Variants in JPH2 observed in about 807,000 individuals in gnomAD.
JPH2 encodes junctophilin-2.
JPH2 carries 38 observed loss-of-function variants against 55.9 expected under a neutral mutation model. The observed-to-expected ratio is 0.68, with a 90% CI of 0.52 to 0.89. The LOEUF is 0.89. JPH2 is among the 40% of genes least tolerant of loss of function. The pLI is 0.00. For synonymous variants in JPH2, 480 were observed against 472.4 expected (o/e 1.02, Z -0.21); for missense variants, 964 against 1,037.6 (o/e 0.93, Z 0.97).
At chr20:44,132,440 C>G (rs1195185518) in intron 2 of JPH2, among the ~76,000 whole-genome samples, 1 of 151,032 alleles carries the variant, frequency 6.6e-6, no homozygotes, top group Non-Finnish European at 1.5e-5. Flanking sequence ...CATCTCCCCC[C>G]CTTGCCCCAC....
In JPH2 at chr20:44,183,491, A is replaced by G. The variant is rs577859246; in HGVS notation, c.379+2836T>C. Among the ~76,000 whole-genome samples, 13 of 152,212 alleles carry G rather than the reference A, an allele frequency of 8.5e-5. No homozygotes were observed. The South Asian group carries it at 2.5e-3, about 29-fold the overall frequency. ...CAGGCCCTCACCCAGACACCCACCA[A>G]CTGGCAGCTCAGATGCAAATCTATC... On this transcript the variant is annotated intron_variant, in intron 1 of 5. Transcript: ENST00000372980.
chr20:44,163,029 A>G lies in JPH2; in HGVS notation c.380-2622T>C, dbSNP rs186543920. Among the ~76,000 whole-genome samples the G allele has an allele frequency of 2.8e-3, 426 of 151,646 alleles. 2 individuals carry two copies. Among genetic ancestry groups the G allele is most frequent in the South Asian group, 6.5e-3 (31 of 4,782 alleles). On this transcript the variant is annotated intron_variant, in intron 1 of 5. Transcript: ENST00000372980. ...CCCCCACCACCCTGCTCACTTATCT[A>G]CTTTTCCTTATTTTTCCCATAGCAC...
At chr20:44,176,696 G>T in intron 1 of JPH2, 1 of 184,172 alleles carries the variant, frequency 5.4e-6, no homozygotes, top group Non-Finnish European at 1.0e-5. Context: ...TTGCAGGCTG[G>T]GGTGGGAGGA....
At chr20:44,146,963 T>C (rs1231492903) in intron 2 of JPH2, among the ~76,000 whole-genome samples, 1 of 152,126 alleles carries the variant, frequency 6.6e-6, no homozygotes, top group Admixed American at 6.5e-5. Flanking sequence ...TTTAGGAATT[T>C]AGCCCATAAA....
Position 44,108,755 on chromosome 20 carries a change from A to T in JPH2, c.*4763T>A, listed in dbSNP as rs1352888109. 1.3e-5 allele frequency among the ~76,000 whole-genome samples: 2 copies of T among 152,130 alleles called. No individual in the cohort carries two copies. Among genetic ancestry groups the T allele is most frequent in the Non-Finnish European group, 2.9e-5 (2 of 68,024 alleles). ...GGTGCCCTGGCATCTGTTGCCGTACATGAGGGTCTCACCTGCAGTTGGTCT... is the reference window on the plus strand; with the variant it reads ...GGTGCCCTGGCATCTGTTGCCGTACTTGAGGGTCTCACCTGCAGTTGGTCT... On this transcript the variant is annotated 3_prime_UTR_variant, in exon 6 of 6. Transcript: ENST00000372980.
In JPH2 at chr20:44,159,721, G is replaced by T; in HGVS notation, c.1066C>A (p.Gln356Lys). ...TGGCGGACCTTGTTGCTCTTGAGCT[G>T]CAGCATGCGGCGCTTGGTGTCCTTG... is the stretch of plus-strand genomic sequence containing the variant. Reference protein sequence around the residue: ...LVKDTKRRMLQLKSNKVRQKV... With the variant: ...LVKDTKRRMLKLKSNKVRQKV... Residue 356 changes from glutamine to lysine, a missense_variant, in exon 2 of 6, where the codon CAG (glutamine) becomes AAG (lysine). Transcript: ENST00000372980. This position sits in a 1 kb window ranked among gnomAD's most constrained non-coding sequence, Gnocchi z 5.7. The T allele has an allele frequency of 6.2e-7, 1 of 1,613,572 alleles. No individual in the cohort carries two copies.
intron 1 of JPH2, among the ~76,000 whole-genome samples, chr20:44,165,559 C>T (rs541472922): frequency 4.1e-4 from 63 of 152,270 alleles, no homozygotes; most frequent in Non-Finnish European, 4.0e-4. Context: ...AGTCAGATTA[C>T]GACACTGCAC....
At chr20:44,165,303 C>CA (rs796812111) in intron 1 of JPH2, among the ~76,000 whole-genome samples, 8,928 of 145,380 alleles carry the variant, frequency 0.061, 746 homozygotes, top group African/African-American at 0.19. Context: ...AAAAAAAAAA[C>CA]AAAAAAAACA....
chr20:44,165,945 T>C (rs920866573), intron 1 of JPH2, among the ~76,000 whole-genome samples: 6 of 152,334 alleles, frequency 3.9e-5, no homozygotes, highest in South Asian at 2.1e-4. Flanking sequence ...GCATATCTAG[T>C]GCAACATACA....
At chr20:44,175,229 G>A (rs2072724932) in intron 1 of JPH2, among the ~76,000 whole-genome samples, 1 of 152,176 alleles carries the variant, frequency 6.6e-6, no homozygotes, top group South Asian at 2.1e-4. Flanking sequence ...CCATCTCTGA[G>A]AACACTACCT....
At chr20:44,178,319 A>G (rs2072752394) in intron 1 of JPH2, among the ~76,000 whole-genome samples, 1 of 152,254 alleles carries the variant, frequency 6.6e-6, no homozygotes, top group African/African-American at 2.4e-5. Context: ...TGAACAATTG[A>G]AAAAATAAAA....
rs2072129330 is a variant in JPH2 at position 44,109,778 on chromosome 20, C to G, written c.*3740G>C. 6.6e-6 allele frequency among the ~76,000 whole-genome samples: 1 copy of G among 152,190 alleles called. No homozygotes were observed. Among genetic ancestry groups the G allele is most frequent in the Non-Finnish European group, 1.5e-5 (1 of 68,032 alleles). On this transcript the variant is annotated 3_prime_UTR_variant, in exon 6 of 6. Coordinates refer to ENST00000372980, the MANE Select transcript of JPH2 (RefSeq NM_020433.5). ...GCATGGCACCTCCAAAGGTCATCAT[C>G]TGGGCCTGCATCTCTCCCAGAACAG...
At chr20:44,134,176 A>G (rs1179014165) in intron 2 of JPH2, among the ~76,000 whole-genome samples, 1 of 33,980 alleles carries the variant, frequency 2.9e-5, no homozygotes, top group Non-Finnish European at 5.1e-5. Context: ...TATTTATTAT[A>G]AATATATAAA....
In JPH2 at chr20:44,116,097, C is replaced by A. The variant is rs1425684614; in HGVS notation, c.1578G>T (p.Pro526=). The change falls in exon 4 of 6, where the codon CCG becomes CCT. Residue 526 remains proline, a synonymous_variant. Coordinates refer to ENST00000372980, the MANE Select transcript of JPH2 (RefSeq NM_020433.5). ...PSGEGSRSVT[P]SEGAGRRSPA... ...GGCTGCGGCGGCCCGCGCCCTCGGA[C>A]GGAGTGACTGACCGGCTGCCCTCAC... 2.0e-6 allele frequency: 3 copies of A among 1,499,762 alleles called. No individual in the cohort carries two copies. The highest frequency in any genetic ancestry group is 1.4e-5 in the African/African-American group (1 of 69,276). The allele number at this position is 1,499,762 out of a possible 1,614,324, so 92.9% of individuals were successfully genotyped here.
Position 44,186,800 on chromosome 20 carries a change from G to T in JPH2, c.-95C>A. On this transcript the variant is annotated 5_prime_UTR_variant, in exon 1 of 6. The change creates a new upstream start codon in the 5' untranslated region. Transcript: ENST00000372980. The stretch of plus-strand genomic sequence containing the variant: ...CACTCCTCCAGTGCCCTCGGGGGCA[G>T]GCCCCCAGACTCACCACTGCACCCC... 1 of 1,303,946 alleles carries T rather than the reference G, an allele frequency of 7.7e-7. No homozygotes were observed. Among genetic ancestry groups the T allele is most frequent in the Non-Finnish European group, 1.1e-6 (1 of 916,276 alleles). The allele number at this position is 1,303,946 out of a possible 1,614,324, so 80.8% of individuals were successfully genotyped here. A position where few individuals can be genotyped will look rare whatever the true frequency, so the allele number is the denominator to read the frequency against.
In JPH2 at chr20:44,146,716, T is replaced by A. The variant is rs1373072740; in HGVS notation, c.1169+12902A>T. On this transcript the variant is annotated intron_variant, in intron 2 of 5. Coordinates refer to ENST00000372980, the MANE Select transcript of JPH2 (RefSeq NM_020433.5). ...AGCCTCTGTGGATATGGGCAGTTGT[T>A]TGGAGGAGTGTTGAAGGTGGCCACT... 2.0e-5 allele frequency among the ~76,000 whole-genome samples: 3 copies of A among 152,188 alleles called. No homozygotes were observed. The East Asian group carries it at 5.8e-4, about 29-fold the overall frequency.
chr20:44,177,937 T>C, intron 1 of JPH2: 1 of 1,394,142 alleles, frequency 7.2e-7, no homozygotes, highest in Non-Finnish European at 1.0e-6. Flanking sequence ...TGTTTCATTG[T>C]CTCGACCATA....
rs1032349509 is a variant in JPH2 at position 44,110,431 on chromosome 20, T to A, written c.*3087A>T. Among the ~76,000 whole-genome samples the A allele has an allele frequency of 3.8e-5, 2 of 52,028 alleles. No individual in the cohort carries two copies. Among genetic ancestry groups the A allele is most frequent in the Non-Finnish European group, 7.6e-5 (2 of 26,458 alleles). The allele number at this position is 52,028 out of a possible 152,430, so 34.1% of individuals were successfully genotyped here. A position where few individuals can be genotyped will look rare whatever the true frequency, so the allele number is the denominator to read the frequency against. ...CCAGAGTTTTGAAAACTTTTGTGTT[T>A]TTTTTTTTTTCCAGATGGAGTCTTG... On this transcript the variant is annotated 3_prime_UTR_variant, in exon 6 of 6. Coordinates refer to ENST00000372980, the MANE Select transcript of JPH2 (RefSeq NM_020433.5).
intron 1 of JPH2, among the ~76,000 whole-genome samples, chr20:44,167,064 CT>C (rs2145885567): frequency 1.3e-5 from 2 of 152,344 alleles, no homozygotes; most frequent in Admixed American, 1.3e-4. Flanking sequence ...CCCTCTTCCC[CT>C]GGCCAACTTC....
Sources: allele counts gnomAD v4.1 joint callset (sites outside exome capture counted in the v4.1 genomes callset), GRCh38; gene constraint gnomAD v4.1.1; non-coding constraint Gnocchi (gnomAD v3.1); transcripts MANE v1.5; gene names NCBI Gene and HGNC (gene_info 2026-07-23, HGNC 2026-07-21).